The following ATP13A2 variants were observed in gnomAD, a reference collection of about 807,000 sequenced individuals.
ATP13A2 encodes the protein polyamine-transporting ATPase 13A2.
A neutral mutation model predicts 138.3 loss-of-function variants in ATP13A2; 83 were observed. The ratio of observed to expected loss-of-function variants is 0.60; its 90% CI spans 0.50 to 0.72. The LOEUF is 0.72. ATP13A2 is among the 30% of genes least tolerant of loss of function. The pLI, the probability that ATP13A2 is intolerant of heterozygous loss-of-function variation, is 0.00. For synonymous variants in ATP13A2, 663 were observed against 699.0 expected, an observed-to-expected ratio of 0.95 and a Z score of 0.81; for missense variants, 1,402 against 1,606.4, an observed-to-expected ratio of 0.87 and a Z score of 2.17.
intron 8 of ATP13A2, 21 bp from the exon 9 acceptor site, chr1:17,000,555 A>G (rs1346024679): frequency 3.1e-6 from 5 of 1,610,606 alleles, no homozygotes; most frequent in Non-Finnish European, 4.2e-6. Flanking sequence ...GGCGGGAGGC[A>G]GCGTCAGGGC....
intron 1 of ATP13A2, among the ~76,000 whole-genome samples, chr1:17,009,564 A>AT (rs938520560): frequency 5.3e-5 from 8 of 150,362 alleles, no homozygotes; most frequent in African/African-American, 9.8e-5. Flanking sequence ...CACCAGGCTA[A>AT]TTTTTTTTTA....
intron 12 of ATP13A2, 95 bp downstream of exon 12, chr1:16,996,925 G>C: frequency 6.8e-7 from 1 of 1,472,894 alleles, no homozygotes; most frequent in East Asian, 2.5e-5. Flanking sequence ...GGTGGGCGTG[G>C]GGTCCAGGGT....
In ATP13A2 at chr1:16,989,905, G is replaced by A. The variant is rs1324223115; in HGVS notation, c.2511C>T (p.Phe837=). 1.2e-6 allele frequency: 2 copies of A among 1,602,454 alleles called. No homozygotes were observed. The highest frequency in any genetic ancestry group is 2.7e-5 in the African/African-American group (2 of 74,854). ...GCCCTACCTTGGGCAGCAGCTTGGG[G>A]AAGTGCTTCACAATGATACCAAAGG... ...GPTFGIIVKH[F]PKLLPKVLVQ... Residue 837 remains phenylalanine, a synonymous_variant, in exon 22 of 29, where the codon TTC becomes TTT. Coordinates refer to ENST00000326735, the MANE Select transcript of ATP13A2 (RefSeq NM_022089.4).
chr1:16,993,279 G>A (rs927887283), intron 16 of ATP13A2, among the ~76,000 whole-genome samples: 1 of 152,130 alleles, frequency 6.6e-6, no homozygotes, highest in African/African-American at 2.4e-5. Flanking sequence ...GCAGTAGCGT[G>A]ATCACAGCTC....
Position 16,988,314 on chromosome 1 carries a change from T to G in ATP13A2, c.2762+8A>C. The G allele has an allele frequency of 1.2e-6, 2 of 1,614,190 alleles. No homozygotes were observed. Among genetic ancestry groups the G allele is most frequent in the Non-Finnish European group, 1.7e-6 (2 of 1,180,036 alleles). On this transcript the variant is annotated splice_region_variant and intron_variant, in intron 24 of 28. Coordinates refer to ENST00000326735, the MANE Select transcript of ATP13A2 (RefSeq NM_022089.4). Reference sequence around the variant, plus strand: ...GAGCCCTCACCCACCGGTCCCTGCCTGCCTTACCTGATGACCATGGGCACG... The same window carrying G: ...GAGCCCTCACCCACCGGTCCCTGCCGGCCTTACCTGATGACCATGGGCACG...
At chr1:16,996,626 G>A (rs963251535) in intron 12 of ATP13A2, 130 bp from the exon 13 acceptor site, 4 of 761,402 alleles carry the variant, frequency 5.3e-6, no homozygotes, top group Admixed American at 4.2e-5. Context: ...CATCAGCAGT[G>A]TGGAGTCCTA....
At chr1:16,993,462 A>G (rs1035874098) in intron 16 of ATP13A2, among the ~76,000 whole-genome samples, 167 bp downstream of exon 16, 43 of 152,146 alleles carry the variant, frequency 2.8e-4, no homozygotes, top group African/African-American at 1.0e-3. Flanking sequence ...TTGGCCTCCC[A>G]AAGCGCCGGG....
At chr1:17,001,630 C>T (rs771053018) in intron 8 of ATP13A2, among the ~76,000 whole-genome samples, 3 of 152,178 alleles carry the variant, frequency 2.0e-5, no homozygotes, top group Non-Finnish European at 2.9e-5. Context: ...TCACAGCCTC[C>T]AACTGAAGCT....
chr1:16,992,916 TTA>T (rs1219599138), intron 16 of ATP13A2, among the ~76,000 whole-genome samples: 2 of 152,226 alleles, frequency 1.3e-5, no homozygotes, highest in Non-Finnish European at 2.9e-5. Context: ...GCCATTATTA[TTA>T]TGTTACTTTT....
chr1:17,001,995 G>T (rs776461980), intron 8 of ATP13A2, 39 bp downstream of exon 8: 3 of 1,587,128 alleles, frequency 1.9e-6, no homozygotes, highest in African/African-American at 1.3e-5. Flanking sequence ...CACACAGCAC[G>T]CCAGGCAGGG....
In ATP13A2 at chr1:16,990,016, G is replaced by A. The variant is rs2076871547; in HGVS notation, c.2413-13C>T. The A allele has an allele frequency of 1.9e-6, 3 of 1,612,792 alleles. No individual in the cohort carries two copies. The highest frequency in any genetic ancestry group is 1.7e-5 in the Admixed American group (1 of 59,790). On this transcript the variant is annotated splice_polypyrimidine_tract_variant and intron_variant, in intron 21 of 28. Coordinates refer to ENST00000326735, the MANE Select transcript of ATP13A2 (RefSeq NM_022089.4). The stretch of plus-strand genomic sequence containing the variant: ...CCTGGTCAGGATCCTGGGGGCCCAG[G>A]AAGCTCAGCTTAGCTCCCCCTGCCC...
At position 16,993,854 on chromosome 1, in the gene ATP13A2, T is replaced by TG; in HGVS notation, c.1543-20dup. Reference sequence around the variant, plus strand: ...TGCCCGTCTGTGGGAGACAGGTGGGTGGGGCAGCGATGAGTCCTGGGATGG... The same window carrying TG: ...TGCCCGTCTGTGGGAGACAGGTGGGTGGGGGCAGCGATGAGTCCTGGGATGG... On this transcript the variant is annotated intron_variant, in intron 15 of 28. Coordinates refer to ENST00000326735, the MANE Select transcript of ATP13A2 (RefSeq NM_022089.4). 6.5e-7 allele frequency: 1 copy of TG among 1,537,206 alleles called. No individual in the cohort carries two copies. Among genetic ancestry groups the TG allele is most frequent in the Non-Finnish European group, 8.8e-7 (1 of 1,139,994 alleles).
chr1:16,986,429 C>T lies in ATP13A2; in HGVS notation c.3405+34G>A, dbSNP rs1480416513. 6.2e-7 allele frequency: 1 copy of T among 1,608,800 alleles called. No individual in the cohort carries two copies. Among genetic ancestry groups the T allele is most frequent in the East Asian group, 2.2e-5 (1 of 44,768 alleles). On this transcript the variant is annotated intron_variant, in intron 28 of 28. Coordinates refer to ENST00000326735, the MANE Select transcript of ATP13A2 (RefSeq NM_022089.4). This position sits in a 1 kb window ranked among gnomAD's most constrained non-coding sequence, Gnocchi z 6.9. ...GGGTCAATGCACCCCCACCTCCCTT[C>T]TCTCCCGCTGCTGAGACCCAGGGCG...
chr1:16,989,751 A>ACGGGGCCATGCGGGCAAAGG lies in ATP13A2; in HGVS notation c.2548_2549insCCTTTGCCCGCATGGCCCCG (p.Val850AlafsTer44). On this transcript the variant is annotated frameshift_variant, in exon 23 of 29. Coordinates refer to ENST00000326735, the MANE Select transcript of ATP13A2 (RefSeq NM_022089.4). LOFTEE classifies it high-confidence loss of function. ...CTGCTCAGGGGCCATGCGGGCAAAG[A>ACGGGGCCATGCGGGCAAAGG]CAGTGCCCTGGACCAGGACCTGGGA... 1 of 1,614,040 alleles carries ACGGGGCCATGCGGGCAAAGG rather than the reference A, an allele frequency of 6.2e-7. No individual in the cohort carries two copies. Among genetic ancestry groups the ACGGGGCCATGCGGGCAAAGG allele is most frequent in the Non-Finnish European group, 8.5e-7 (1 of 1,180,030 alleles).
At position 17,002,337 on chromosome 1, in the gene ATP13A2, G is replaced by T. The variant is rs1173551413; in HGVS notation, c.594C>A (p.His198Gln). 6.2e-7 allele frequency: 1 copy of T among 1,613,406 alleles called. No homozygotes were observed. Residue 198 changes from histidine to glutamine, a missense_variant, in exon 7 of 29, where the codon CAC (histidine) becomes CAA (glutamine). Physicochemically the swap from His to Gln is conservative, Grantham distance 24 (BLOSUM62 0). Coordinates refer to ENST00000326735, the MANE Select transcript of ATP13A2 (RefSeq NM_022089.4). ...GGAGGCTGAGGCCATGGCGGGAGCG[G>T]TGGACGTCGTCACAAGAGCGGCCAT... ...LDHGRSCDDV[H>Q]RSRHGLSLQD...
In ATP13A2 at chr1:16,997,090, G is replaced by A. The variant is rs200948160; in HGVS notation, c.1125C>T (p.Phe375=). 8.1e-6 allele frequency: 13 copies of A among 1,613,728 alleles called. No homozygotes were observed. The highest frequency in any genetic ancestry group is 4.4e-5 in the South Asian group (4 of 91,084). Residue 375 remains phenylalanine (F), a synonymous_variant, in exon 12 of 29, where the codon TTC becomes TTT. Transcript: ENST00000326735. ...GGGCCTGCAAGATGAGGGTCCCGCA[G>A]AAGAGTGTGTGCCGCCGGTGTGTCT... ...CAETHRRHTL[F]CGTLILQARA... is the part of the protein sequence containing the mutation.
chr1:17,001,705 A>T (rs6657613), intron 8 of ATP13A2, among the ~76,000 whole-genome samples: 60,690 of 152,022 alleles, frequency 0.4, 13,501 homozygotes, highest in Non-Finnish European at 0.51. Flanking sequence ...GGAGCATGAA[A>T]GTGGAGGACG....
Position 17,011,734 on chromosome 1 carries a change from C to T in ATP13A2, c.5G>A (p.Ser2Asn), listed in dbSNP as rs2077805596. 1.0e-5 allele frequency: 15 copies of T among 1,469,768 alleles called. No homozygotes were observed. In the East Asian group the frequency reaches 3.9e-4, roughly 38 times the overall value. The allele number at this position is 1,469,768 out of a possible 1,614,324, so 91.0% of individuals were successfully genotyped here. Residue 2 changes from serine (S) to asparagine (N), a missense_variant, in exon 1 of 29, where the codon AGC becomes AAC. Coordinates refer to ENST00000326735, the MANE Select transcript of ATP13A2 (RefSeq NM_022089.4). This position sits in a 1 kb window ranked among gnomAD's most constrained non-coding sequence, Gnocchi z 7.3. Reference protein sequence around the residue: MSADSSPLVGST... With the variant: MNADSSPLVGST... The stretch of plus-strand genomic sequence containing the variant: ...GACCCGGACTCCGCACTCACCTGCG[C>T]TCATGCCGGCTCCTCGCGCTCATCG...
Position 16,986,314 on chromosome 1 carries a change from C to G in ATP13A2, c.3450G>C (p.Arg1150=). The change falls in exon 29 of 29, where the codon CGG becomes CGC. Residue 1150 remains arginine (R), a synonymous_variant. Coordinates refer to ENST00000326735, the MANE Select transcript of ATP13A2 (RefSeq NM_022089.4). This position sits in a 1 kb window ranked among gnomAD's most constrained non-coding sequence, Gnocchi z 6.9. ...QCLPACLRRL[R]PKRASKKRFK... ...AGCGCTTCTTGGAGGCCCGCTTGGG[C>G]CGGAGGCGGCGCAGGCAGGCGGGGA... 6.3e-7 allele frequency: 1 copy of G among 1,588,894 alleles called. No individual in the cohort carries two copies. Among genetic ancestry groups the G allele is most frequent in the Non-Finnish European group, 8.6e-7 (1 of 1,169,132 alleles).
Sources: allele counts gnomAD v4.1 joint callset (sites outside exome capture counted in the v4.1 genomes callset), GRCh38; gene constraint gnomAD v4.1.1; non-coding constraint Gnocchi (gnomAD v3.1); transcripts MANE v1.5; gene names NCBI Gene and HGNC (gene_info 2026-07-23, HGNC 2026-07-21).